The following ITGA8 variants were observed in gnomAD, a reference collection of about 807,000 sequenced individuals.
The protein encoded by ITGA8 is integrin subunit alpha 8.
A neutral mutation model predicts 142.3 loss-of-function variants in ITGA8; 91 were observed. That is an observed-to-expected ratio of 0.64 (90% CI 0.54 to 0.76). The LOEUF is 0.76. ITGA8 is among the 30% of genes least tolerant of loss of function. The pLI is 0.00. For missense variants in ITGA8, 1,406 were observed against 1,327.7 expected (o/e 1.06, Z -0.92); for synonymous variants, 505 against 485.2 (o/e 1.04, Z -0.54).
intron 17 of ITGA8, 116 bp downstream of exon 17, chr10:15,607,561 A>G: frequency 1.0e-6 from 1 of 990,422 alleles, no homozygotes; most frequent in Admixed American, 2.1e-5. Flanking sequence ...CTGCTATGAA[A>G]ATGAAAACAG....
At chr10:15,591,028 T>TA (rs920226048) in intron 22 of ITGA8, among the ~76,000 whole-genome samples, 1 of 152,204 alleles carries the variant, frequency 6.6e-6, no homozygotes, top group Non-Finnish European at 1.5e-5. Flanking sequence ...TATATATTTT[T>TA]AAAAAATCCT....
At chr10:15,644,961 C>T (rs543231425) in intron 12 of ITGA8, among the ~76,000 whole-genome samples, 3 of 151,274 alleles carry the variant, frequency 2.0e-5, no homozygotes, top group Admixed American at 6.6e-5. Flanking sequence ...GGCGTAGTGG[C>T]GGGCGCCTGT....
chr10:15,572,167 T>C, intron 25 of ITGA8, 44 bp downstream of exon 25: 7 of 1,479,682 alleles, frequency 4.7e-6, no homozygotes, highest in Non-Finnish European at 6.4e-6. Flanking sequence ...TTTCATACCA[T>C]AAAAATAAAA....
At position 15,646,946 on chromosome 10, in the gene ITGA8, G is replaced by C; in HGVS notation, c.1107C>G (p.Leu369=). The C allele has an allele frequency of 6.2e-7, 1 of 1,613,974 alleles. No homozygotes were observed. The highest frequency in any genetic ancestry group is 8.5e-7 in the Non-Finnish European group (1 of 1,179,976). ...TGAGGATCTGGGGGTCTCTGAAGAG[G>C]AGAGAGCTCACTTGCAAATACAGGT... is the stretch of plus-strand genomic sequence containing the variant. ...QIYLYLQVSS[L]LFRDPQILTG... The change falls in exon 12 of 30, where the codon CTC becomes CTG. Residue 369 remains leucine, a synonymous_variant. Transcript: ENST00000378076.
intron 20 of ITGA8, among the ~76,000 whole-genome samples, chr10:15,599,176 G>A (rs1373809759): frequency 6.6e-6 from 1 of 151,932 alleles, no homozygotes; most frequent in East Asian, 1.9e-4. Flanking sequence ...ATCACTCAAA[G>A]AGTTTTTTCT....
At chr10:15,522,347 T>G (rs1429079137) in intron 28 of ITGA8, among the ~76,000 whole-genome samples, 1 of 152,226 alleles carries the variant, frequency 6.6e-6, no homozygotes, top group East Asian at 1.9e-4. Context: ...TGTATGAAAT[T>G]ACTGCTGAAT....
At chr10:15,665,887 G>A (rs1221874903) in intron 8 of ITGA8, among the ~76,000 whole-genome samples, 1 of 152,030 alleles carries the variant, frequency 6.6e-6, no homozygotes, top group Admixed American at 6.6e-5. Flanking sequence ...TCTCTGTTTT[G>A]GTACCAGTAC....
At chr10:15,691,167 C>A (rs1036228995) in intron 2 of ITGA8, among the ~76,000 whole-genome samples, 3 of 152,028 alleles carry the variant, frequency 2.0e-5, no homozygotes, top group Admixed American at 6.6e-5. Context: ...GTTAGCAGGG[C>A]TATTATCAAA....
chr10:15,520,028 G>C (rs6602874), intron 28 of ITGA8, among the ~76,000 whole-genome samples: 25,774 of 152,134 alleles, frequency 0.17, 2,773 homozygotes, highest in African/African-American at 0.31. Flanking sequence ...AGAGCATGAG[G>C]CTAGGCATCT....
intron 2 of ITGA8, among the ~76,000 whole-genome samples, chr10:15,689,923 C>T (rs552157982): frequency 3.9e-5 from 6 of 152,280 alleles, no homozygotes; most frequent in Admixed American, 1.3e-4. Context: ...ACCCCTTCGG[C>T]GCCAGAACCA....
chr10:15,640,781 C>T (rs1207019122), intron 13 of ITGA8, among the ~76,000 whole-genome samples: 1 of 152,080 alleles, frequency 6.6e-6, no homozygotes, highest in Admixed American at 6.5e-5. Context: ...GGCTCAGAAG[C>T]ATTTGCTAAA....
chr10:15,707,961 GACAC>G (rs138462340), intron 2 of ITGA8, among the ~76,000 whole-genome samples: 8,448 of 144,896 alleles, frequency 0.058, 306 homozygotes, highest in Non-Finnish European at 0.081. Flanking sequence ...TGCACACACC[GACAC>G]ACACACACAC....
chr10:15,652,634 C>T (rs531294700), intron 11 of ITGA8, among the ~76,000 whole-genome samples: 7 of 152,150 alleles, frequency 4.6e-5, no homozygotes, highest in South Asian at 4.2e-4. Flanking sequence ...CTTGAATGAC[C>T]GTCCTAATAG....
intron 8 of ITGA8, among the ~76,000 whole-genome samples, chr10:15,669,967 C>T (rs1834478614): frequency 6.6e-6 from 1 of 152,146 alleles, no homozygotes; most frequent in South Asian, 2.1e-4. Flanking sequence ...GTCAGGGACC[C>T]ACTTGAGGAG....
intron 22 of ITGA8, among the ~76,000 whole-genome samples, chr10:15,590,347 A>G (rs763692418): frequency 6.6e-6 from 1 of 152,242 alleles, no homozygotes; most frequent in Non-Finnish European, 1.5e-5. Context: ...GAAGCCATCT[A>G]GAACACTACC....
intron 11 of ITGA8, among the ~76,000 whole-genome samples, chr10:15,654,256 T>A (rs1210988028): frequency 6.6e-6 from 1 of 152,242 alleles, no homozygotes; most frequent in East Asian, 1.9e-4. Flanking sequence ...TCGGTCCTTT[T>A]GTTTTCGTTG....
chr10:15,619,651 A>C (rs1833453533), intron 13 of ITGA8, among the ~76,000 whole-genome samples: 1 of 152,254 alleles, frequency 6.6e-6, no homozygotes, highest in Non-Finnish European at 1.5e-5. Context: ...TCAATTTTTC[A>C]ACTATGTTTA....
At chr10:15,608,523 G>A (rs1833239638) in intron 15 of ITGA8, among the ~76,000 whole-genome samples, 1 of 152,092 alleles carries the variant, frequency 6.6e-6, no homozygotes, top group Non-Finnish European at 1.5e-5. Context: ...AAATAGTACA[G>A]GAGGTTAACT....
intron 11 of ITGA8, among the ~76,000 whole-genome samples, chr10:15,650,534 T>C (rs1184340707): frequency 6.6e-6 from 1 of 152,116 alleles, no homozygotes; most frequent in Non-Finnish European, 1.5e-5. Flanking sequence ...CTCAGGACTT[T>C]GCAGAGGGTC....
Sources: gnomAD v4.1 joint callset for allele counts (sites outside exome capture counted in the v4.1 genomes callset) on GRCh38, gnomAD v4.1.1 for gene constraint, MANE v1.5 for transcripts, NCBI Gene and HGNC (gene_info 2026-07-23, HGNC 2026-07-21) for gene names.